The following KAT2A variants were observed in gnomAD, a reference collection of about 807,000 sequenced individuals.
KAT2A encodes histone acetyltransferase KAT2A.
KAT2A carries 42 observed loss-of-function variants against 95.2 expected under a neutral mutation model. The observed-to-expected ratio is 0.44, with a 90% confidence interval of 0.34 to 0.57. KAT2A has a LOEUF of 0.57. Ranked by LOEUF, KAT2A falls within the 20% of genes least tolerant of loss-of-function variation. The pLI, the probability that KAT2A is intolerant of heterozygous loss-of-function variation, is 0.01. For missense variants in KAT2A, 784 were observed against 1,126.3 expected, an observed-to-expected ratio of 0.70 and a Z score of 4.35; for synonymous variants, 449 against 448.2, an observed-to-expected ratio of 1.00 and a Z score of -0.02.
Position 42,113,702 on chromosome 17 carries a change from G to A in KAT2A, c.2461C>T (p.Leu821=), listed in dbSNP as rs2054204653. 1 of 1,611,686 alleles carries A rather than the reference G, an allele frequency of 6.2e-7. No homozygotes were observed. Among genetic ancestry groups the A allele is most frequent in the East Asian group, 2.2e-5 (1 of 44,756 alleles). Residue 821 remains leucine, a synonymous_variant, in exon 18 of 18, where the codon CTG becomes TTG. Coordinates refer to ENST00000225916, the MANE Select transcript of KAT2A (RefSeq NM_021078.3). ...DSEYCRCASA[L]EKFFYFKLKE... is the part of the protein sequence containing the mutation. The stretch of plus-strand genomic sequence containing the variant: ...AGCTTGAAGTAGAAGAACTTCTCCA[G>A]GGCGCTGGCACAGCGGCAGTACTCG...
rs1555665438 is a variant in KAT2A at position 42,114,170 on chromosome 17, C to A, written c.2235+49G>T. Reference sequence around the variant, plus strand: ...ACCCACCCCACACTGCATCAAGAGGCCACAGCCATTGGTGCAGGGGCCCTG... The same window carrying A: ...ACCCACCCCACACTGCATCAAGAGGACACAGCCATTGGTGCAGGGGCCCTG... On this transcript the variant is annotated intron_variant, in intron 16 of 17. Transcript: ENST00000225916. This position sits in a 1 kb window ranked among gnomAD's most constrained non-coding sequence, Gnocchi z 6.0. 2 of 1,577,720 alleles carry A rather than the reference C, an allele frequency of 1.3e-6. No homozygotes were observed. Among genetic ancestry groups the A allele is most frequent in the South Asian group, 2.3e-5 (2 of 87,874 alleles).
At position 42,114,926 on chromosome 17, in the gene KAT2A, G is replaced by A; in HGVS notation, c.1985C>T (p.Thr662Met). 1.2e-6 allele frequency: 2 copies of A among 1,614,086 alleles called. No individual in the cohort carries two copies. Among genetic ancestry groups the A allele is most frequent in the East Asian group, 2.2e-5 (1 of 44,892 alleles). Reference sequence around the variant, plus strand: ...CTTCTTGATGATGTGGGACAGCTCCGTGTAGGGGATGCGGGGATTCAGCTC... The same window carrying A: ...CTTCTTGATGATGTGGGACAGCTCCATGTAGGGGATGCGGGGATTCAGCTC... ...ECELNPRIPY[T>M]ELSHIIKKQK... The change falls in exon 13 of 18, where the codon ACG becomes ATG. Residue 662 changes from threonine to methionine, a missense_variant. By Grantham distance (81) the Thr-to-Met change is moderately conservative (BLOSUM62 -1). This residue lies in a region of KAT2A where 195 missense variants were observed against 247.1 expected (regional missense o/e 0.79). Transcript: ENST00000225916. The surrounding 1 kb of genome is among the most constrained non-coding windows in gnomAD (Gnocchi z 6.0).
rs781999975 is a variant in KAT2A at position 42,119,279 on chromosome 17, C to G, written c.1039G>C (p.Glu347Gln). The change falls in exon 6 of 18, where the codon GAG (glutamate) becomes CAG (glutamine). Residue 347 changes from glutamate (E) to glutamine (Q), a missense_variant. By Grantham distance (29) the Glu-to-Gln change is conservative (BLOSUM62 2). Transcript: ENST00000225916. This position sits in a 1 kb window ranked among gnomAD's most constrained non-coding sequence, Gnocchi z 5.3. ...FRVEKDKLVP[E>Q]KRTLILTHFP... Reference sequence around the variant, plus strand: ...TGAGTGAGGATGAGGGTCCTCTTCTCGGGCACCAATTTGTCCTTCTCCACT... The same window carrying G: ...TGAGTGAGGATGAGGGTCCTCTTCTGGGGCACCAATTTGTCCTTCTCCACT... 1.2e-6 allele frequency: 2 copies of G among 1,613,168 alleles called. No homozygotes were observed. The highest frequency in any genetic ancestry group is 1.7e-6 in the Non-Finnish European group (2 of 1,179,452).
At chr17:42,113,933 G>T in intron 17 of KAT2A, 67 bp downstream of exon 17, 1 of 1,472,224 alleles carries the variant, frequency 6.8e-7, no homozygotes, top group Non-Finnish European at 9.0e-7. Context: ...GCTGCAGGGC[G>T]CAGTGAGGGC....
Position 42,117,834 on chromosome 17 carries a change from G to A in KAT2A, c.1292-20C>T. ...TCTCGCCTATTGGGGAGGCAGGCAA[G>A]GTTGCTCAGGATCAGTAAAAAAGGT... On this transcript the variant is annotated intron_variant, in intron 8 of 17. Coordinates refer to ENST00000225916, the MANE Select transcript of KAT2A (RefSeq NM_021078.3). This position sits in a 1 kb window ranked among gnomAD's most constrained non-coding sequence, Gnocchi z 8.9. 1 of 1,612,408 alleles carries A rather than the reference G, an allele frequency of 6.2e-7. No individual in the cohort carries two copies. The highest frequency in any genetic ancestry group is 8.5e-7 in the Non-Finnish European group (1 of 1,178,812).
rs375728355 is a variant in KAT2A, at chr17:42,120,280, G to A, written c.554C>T (p.Ser185Phe). 3.1e-6 allele frequency: 5 copies of A among 1,614,122 alleles called. No individual in the cohort carries two copies. The Admixed American group carries it at 6.7e-5, about 22-fold the overall frequency. The change falls in exon 3 of 18, where the codon TCT becomes TTT. Residue 185 changes from serine (S) to phenylalanine (F), a missense_variant. Around this residue, in one of 6 missense-constraint regions of KAT2A, gnomAD observed 208 missense variants for 339.7 expected, o/e 0.61. Transcript: ENST00000225916. Reference protein sequence around the residue: ...MVVDVENLFMSVHKEEDTDTK... With the variant: ...MVVDVENLFMFVHKEEDTDTK... Reference sequence around the variant, plus strand: ...GTCTGTGTCCTCTTCCTTGTGAACAGACATGAAGAGATTCTCCACATCCAC... The same window carrying A: ...GTCTGTGTCCTCTTCCTTGTGAACAAACATGAAGAGATTCTCCACATCCAC...
chr17:42,117,044 C>A lies in KAT2A; in HGVS notation c.1755G>T (p.Glu585Asp). The A allele has an allele frequency of 6.2e-7, 1 of 1,614,052 alleles. No individual in the cohort carries two copies. The highest frequency in any genetic ancestry group is 8.5e-7 in the Non-Finnish European group (1 of 1,180,000). The change falls in exon 11 of 18, where the codon GAG becomes GAT. Residue 585 changes from glutamate (E) to aspartate (D), a missense_variant. Glu to Asp is a conservative substitution (Grantham distance 45). This residue lies in a region of KAT2A where 174 missense variants were observed against 324.9 expected (regional missense o/e 0.54). Coordinates refer to ENST00000225916, the MANE Select transcript of KAT2A (RefSeq NM_021078.3). The surrounding 1 kb of genome is among the most constrained non-coding windows in gnomAD (Gnocchi z 8.9). ...GGGGAGCCGCGCTCACCTTGACCTG[C>A]TCATTCGAGGTGACAGCACAGAAGA... Reference protein sequence around the residue: ...EIVFCAVTSNEQVKGYGTHLM... With the variant: ...EIVFCAVTSNDQVKGYGTHLM...
rs1555665635 is a variant in KAT2A at position 42,114,854 on chromosome 17, C to T, written c.2019+38G>A. 4 of 1,610,214 alleles carry T rather than the reference C, an allele frequency of 2.5e-6. No individual in the cohort carries two copies. Among genetic ancestry groups the T allele is most frequent in the Non-Finnish European group, 1.7e-6 (2 of 1,177,094 alleles). On this transcript the variant is annotated intron_variant, in intron 13 of 17. Coordinates refer to ENST00000225916, the MANE Select transcript of KAT2A (RefSeq NM_021078.3). This position sits in a 1 kb window ranked among gnomAD's most constrained non-coding sequence, Gnocchi z 6.0. ...TGTGCTCGCCCTCTGCATGCCCATT[C>T]ATGAAAAATCCCACAGATGCGCATG...
chr17:42,113,437 GGAGAC>G lies in KAT2A; in HGVS notation c.*207_*211del. On this transcript the variant is annotated 3_prime_UTR_variant, in exon 18 of 18. Transcript: ENST00000225916. ...TCTAGAGGGGCTGGGCCCCAACCCA[GGAGAC>G]CTCTCACACACAGTGAAGGCTGGGA... The G allele has an allele frequency of 4.1e-6, 2 of 489,986 alleles. No individual in the cohort carries two copies. Among genetic ancestry groups the G allele is most frequent in the Non-Finnish European group, 7.1e-6 (2 of 281,300 alleles). 30.4% of individuals were successfully genotyped at this position (489,986 alleles called of 1,614,324 possible).
In KAT2A at chr17:42,113,526, G is replaced by T; in HGVS notation, c.*123C>A. ...AGAAAGAGCTGCAGGATCGGGTCCGGAGGACCCTTGGCTGGAGTGTCTCAA... is the reference window on the plus strand; with the variant it reads ...AGAAAGAGCTGCAGGATCGGGTCCGTAGGACCCTTGGCTGGAGTGTCTCAA... On this transcript the variant is annotated 3_prime_UTR_variant, in exon 18 of 18. Coordinates refer to ENST00000225916, the MANE Select transcript of KAT2A (RefSeq NM_021078.3). The T allele has an allele frequency of 1.1e-6, 1 of 895,100 alleles. No individual in the cohort carries two copies. 55.4% of individuals were successfully genotyped at this position (895,100 alleles called of 1,614,324 possible). A position where few individuals can be genotyped will look rare whatever the true frequency, so the allele number is the denominator to read the frequency against.
At position 42,120,111 on chromosome 17, in the gene KAT2A, C is replaced by T; in HGVS notation, c.618G>A (p.Arg206=). The change falls in exon 4 of 18, where the codon CGG becomes CGA. Residue 206 remains arginine, a synonymous_variant. Transcript: ENST00000225916. ...GCCGGGTCATCTGCAGGATGCATTT[C>T]CGCAGTAGCTAGAGAGAAGAGGAAG... ...QVYFYLFKLL[R]KCILQMTRPV... The T allele has an allele frequency of 6.2e-7, 1 of 1,614,224 alleles. No individual in the cohort carries two copies. Among genetic ancestry groups the T allele is most frequent in the Non-Finnish European group, 8.5e-7 (1 of 1,180,034 alleles).
Position 42,118,165 on chromosome 17 carries a change from G to C in KAT2A, c.1180+132C>G, listed in dbSNP as rs936649096. The C allele has an allele frequency of 6.2e-5, 50 of 809,872 alleles. 1 individual carries two copies. The highest frequency in any genetic ancestry group is 3.3e-4 in the South Asian group (20 of 61,440). 50.2% of individuals were successfully genotyped at this position (809,872 alleles called of 1,614,324 possible). A position where few individuals can be genotyped will look rare whatever the true frequency, so the allele number is the denominator to read the frequency against. ...AGAGAGAGAGAGAAGGCAGGGACTG[G>C]GGGGGCTGAAGCCGGTGGCAGGTCC... On this transcript the variant is annotated intron_variant, in intron 7 of 17. Transcript: ENST00000225916.
Position 42,117,641 on chromosome 17 carries a change from G to C in KAT2A, c.1428+37C>G. 1 of 1,605,998 alleles carries C rather than the reference G, an allele frequency of 6.2e-7. No individual in the cohort carries two copies. The highest frequency in any genetic ancestry group is 2.2e-5 in the East Asian group (1 of 44,646). Reference sequence around the variant, plus strand: ...GGTGAGCCGGGGTCTCAGGTTGGTGGGGGTCCCCCAACTGGTCAGCAGGTC... The same window carrying C: ...GGTGAGCCGGGGTCTCAGGTTGGTGCGGGTCCCCCAACTGGTCAGCAGGTC... On this transcript the variant is annotated intron_variant, in intron 9 of 17. Coordinates refer to ENST00000225916, the MANE Select transcript of KAT2A (RefSeq NM_021078.3). The surrounding 1 kb of genome is among the most constrained non-coding windows in gnomAD (Gnocchi z 8.9).
In KAT2A at chr17:42,120,709, A is replaced by G. The variant is rs1445440582; in HGVS notation, c.460T>C (p.Leu154=). ...SELCRSCEHP[L]ADHVSHLENV... The stretch of plus-strand genomic sequence containing the variant: ...CCAAGGGCGCTGCCTGCCTTACCCA[A>G]GGGGTGCTCACAACTGCGGCACAGC... The change falls in exon 2 of 18, where the codon TTG becomes CTG. Residue 154 remains leucine (L), a synonymous_variant. Coordinates refer to ENST00000225916, the MANE Select transcript of KAT2A (RefSeq NM_021078.3). 1.2e-6 allele frequency: 2 copies of G among 1,613,862 alleles called. No individual in the cohort carries two copies. The highest frequency in any genetic ancestry group is 1.7e-6 in the Non-Finnish European group (2 of 1,180,020).
chr17:42,118,525 G>T (rs1422354808), intron 6 of KAT2A, 122 bp from the exon 7 acceptor site: 3 of 688,066 alleles, frequency 4.4e-6, no homozygotes, highest in Non-Finnish European at 7.8e-6. Flanking sequence ...GGGGACCTGA[G>T]AGAGGGGACA....
chr17:42,118,257 G>C, intron 7 of KAT2A, 40 bp downstream of exon 7: 2 of 1,469,350 alleles, frequency 1.4e-6, no homozygotes, highest in Middle Eastern at 1.7e-4. Context: ...AGCTCAGCCA[G>C]GCAGGCCAGA....
chr17:42,114,658 C>T lies in KAT2A; in HGVS notation c.2020-54G>A. On this transcript the variant is annotated intron_variant, in intron 13 of 17. Coordinates refer to ENST00000225916, the MANE Select transcript of KAT2A (RefSeq NM_021078.3). The surrounding 1 kb of genome is among the most constrained non-coding windows in gnomAD (Gnocchi z 6.0). ...ACTCCAGCCCCAACAACAACCCCTC[C>T]CAGGGCCACAGTCGGAGCCACTGGC... is the stretch of plus-strand genomic sequence containing the variant. 2 of 1,506,250 alleles carry T rather than the reference C, an allele frequency of 1.3e-6. No homozygotes were observed. Among genetic ancestry groups the T allele is most frequent in the Non-Finnish European group, 9.2e-7 (1 of 1,089,498 alleles). 93.3% of individuals were successfully genotyped at this position (1,506,250 alleles called of 1,614,324 possible). A position where few individuals can be genotyped will look rare whatever the true frequency, so the allele number is the denominator to read the frequency against.
chr17:42,119,058 C>T lies in KAT2A; in HGVS notation c.1073+187G>A. 1 of 1,440,598 alleles carries T rather than the reference C, an allele frequency of 6.9e-7. No homozygotes were observed. The highest frequency in any genetic ancestry group is 3.0e-5 in the Admixed American group (1 of 33,458). 89.2% of individuals were successfully genotyped at this position (1,440,598 alleles called of 1,614,324 possible). A position where few individuals can be genotyped will look rare whatever the true frequency, so the allele number is the denominator to read the frequency against. On this transcript the variant is annotated intron_variant, in intron 6 of 17. Transcript: ENST00000225916. The surrounding 1 kb of genome is among the most constrained non-coding windows in gnomAD (Gnocchi z 5.3). ...GCGTTAGCTTGGGCTATGTACCTGC[C>T]ATCCCCAGACTAGTACTAGCAAGTT...
In KAT2A at chr17:42,119,139, T is replaced by A; in HGVS notation, c.1073+106A>T. On this transcript the variant is annotated intron_variant, in intron 6 of 17. Transcript: ENST00000225916. This position sits in a 1 kb window ranked among gnomAD's most constrained non-coding sequence, Gnocchi z 5.3. ...AGACGCCCAGATCCCAAAAGGCCCA[T>A]GGAGGGAGAGGAGGGACCAATCCAG... 6.6e-7 allele frequency: 1 copy of A among 1,509,454 alleles called. No homozygotes were observed. Among genetic ancestry groups the A allele is most frequent in the South Asian group, 1.4e-5 (1 of 73,868 alleles). The allele number at this position is 1,509,454 out of a possible 1,614,324, so 93.5% of individuals were successfully genotyped here. A position where few individuals can be genotyped will look rare whatever the true frequency, so the allele number is the denominator to read the frequency against.
Sources: allele counts gnomAD v4.1 joint callset, GRCh38; gene constraint gnomAD v4.1.1; regional missense constraint gnomAD v4.1.1; non-coding constraint Gnocchi (gnomAD v3.1); transcripts MANE v1.5; gene names NCBI Gene and HGNC (gene_info 2026-07-23, HGNC 2026-07-21).